Variants in ACVR2A observed in about 807,000 individuals in gnomAD.
ACVR2A encodes the protein activin A receptor type 2A, also known as activin receptor type-2A.
ACVR2A carries 7 observed loss-of-function variants against 61.4 expected under a neutral mutation model. The observed-to-expected ratio is 0.11, with a 90% CI of 0.06 to 0.21. The LOEUF is 0.21. Ranked by LOEUF, ACVR2A falls within the 10% of genes least tolerant of loss-of-function variation. The pLI, the probability that ACVR2A is intolerant of heterozygous loss-of-function variation, is 1.00. For synonymous variants in ACVR2A, 193 were observed against 208.3 expected, an observed-to-expected ratio of 0.93 and a Z score of 0.63; for missense variants, 322 against 621.7, an observed-to-expected ratio of 0.52 and a Z score of 5.13.
chr2:147,892,073 G>A (rs1686600824), intron 1 of ACVR2A, among the ~76,000 whole-genome samples: 1 of 151,994 alleles, frequency 6.6e-6, no homozygotes, highest in South Asian at 2.1e-4. Flanking sequence ...CTGGGTTCAA[G>A]GGATTCTCCT....
At chr2:147,901,120 A>T (rs1487923300) in intron 4 of ACVR2A, among the ~76,000 whole-genome samples, 1 of 152,078 alleles carries the variant, frequency 6.6e-6, no homozygotes, top group African/African-American at 2.4e-5. Flanking sequence ...ATTTCTAAAA[A>T]GTGTTTTAAA....
intron 1 of ACVR2A, among the ~76,000 whole-genome samples, chr2:147,883,215 A>C (rs1179174154): frequency 6.6e-6 from 1 of 152,078 alleles, no homozygotes; most frequent in African/African-American, 2.4e-5. Flanking sequence ...TTTGAGACGG[A>C]GTTTTGCTCT....
intron 1 of ACVR2A, among the ~76,000 whole-genome samples, chr2:147,850,690 G>A (rs1685422752): frequency 6.6e-6 from 1 of 152,018 alleles, no homozygotes; most frequent in African/African-American, 2.4e-5. Flanking sequence ...AAAATTCCAG[G>A]AATAGTGTAT....
At chr2:147,916,858 T>C (rs1687259645) in intron 5 of ACVR2A, among the ~76,000 whole-genome samples, 3 of 151,914 alleles carry the variant, frequency 2.0e-5, no homozygotes, top group Admixed American at 2.0e-4. Flanking sequence ...TTATGTTAGT[T>C]TTTGAAAAGA....
chr2:147,845,220 A>T lies in ACVR2A; in HGVS notation c.55+13A>T. ...TCCTGTTCTTCAGGTAGGTGCAGGG[A>T]GCGCGGCGCGGTGGGGCTGCTCCTG... is the stretch of plus-strand genomic sequence containing the variant. On this transcript the variant is annotated intron_variant, in intron 1 of 10. Coordinates refer to ENST00000241416, the MANE Select transcript of ACVR2A (RefSeq NM_001616.5). 1 of 1,610,244 alleles carries T rather than the reference A, an allele frequency of 6.2e-7. No homozygotes were observed. The highest frequency in any genetic ancestry group is 8.5e-7 in the Non-Finnish European group (1 of 1,179,054).
At chr2:147,850,200 C>A (rs1222005567) in intron 1 of ACVR2A, among the ~76,000 whole-genome samples, 3 of 152,062 alleles carry the variant, frequency 2.0e-5, no homozygotes, top group Admixed American at 1.3e-4. Context: ...TTCCCCTGAC[C>A]CTTCTGTACT....
In ACVR2A at chr2:147,927,469, A is replaced by C. The variant is rs1055407836; in HGVS notation, c.*195A>C. On this transcript the variant is annotated 3_prime_UTR_variant, in exon 11 of 11. Coordinates refer to ENST00000241416, the MANE Select transcript of ACVR2A (RefSeq NM_001616.5). ...TGCCGACAGCACAGATGTGAAGGAC[A>C]TGAGACTAAGAGAAACCTTGCAAAC... 1 of 519,662 alleles carries C rather than the reference A, an allele frequency of 1.9e-6. No individual in the cohort carries two copies. Among genetic ancestry groups the C allele is most frequent in the East Asian group, 3.4e-5 (1 of 29,548 alleles). 32.2% of individuals were successfully genotyped at this position (519,662 alleles called of 1,614,324 possible).
chr2:147,845,352 C>CCCG (rs1685282674), intron 1 of ACVR2A, 145 bp downstream of exon 1: 2 of 519,012 alleles, frequency 3.9e-6, no homozygotes, highest in Non-Finnish European at 6.4e-6. Flanking sequence ...GCCACCGCCC[C>CCCG]CCCCCCCCGC....
In ACVR2A at chr2:147,923,046, G is replaced by C. The variant is rs1258959405; in HGVS notation, c.1151G>C (p.Arg384Thr). Residue 384 changes from arginine (R) to threonine (T), a missense_variant, in exon 9 of 11, where the codon AGG becomes ACG. Physicochemically the swap from Arg to Thr is moderately conservative, Grantham distance 71. Coordinates refer to ENST00000241416, the MANE Select transcript of ACVR2A (RefSeq NM_001616.5). Reference sequence around the variant, plus strand: ...AACTTCCAAAGGGATGCATTTTTGAGGATAGATATGTATGCCATGGGATTA... The same window carrying C: ...AACTTCCAAAGGGATGCATTTTTGACGATAGATATGTATGCCATGGGATTA... ...AINFQRDAFL[R>T]IDMYAMGLVL... The C allele has an allele frequency of 6.2e-7, 1 of 1,613,340 alleles. No homozygotes were observed. Among genetic ancestry groups the C allele is most frequent in the Admixed American group, 1.7e-5 (1 of 59,948 alleles).
chr2:147,876,153 C>G (rs1225281363), intron 1 of ACVR2A, among the ~76,000 whole-genome samples: 1 of 152,124 alleles, frequency 6.6e-6, no homozygotes, highest in Non-Finnish European at 1.5e-5. Context: ...TTAAATGATA[C>G]TGGCATTGCC....
intron 1 of ACVR2A, among the ~76,000 whole-genome samples, chr2:147,854,415 T>G (rs1685520001): frequency 1.3e-5 from 2 of 152,222 alleles, no homozygotes; most frequent in African/African-American, 4.8e-5. Context: ...TGAAAGATTC[T>G]CAAGTCTGTT....
At chr2:147,882,300 C>T (rs948317448) in intron 1 of ACVR2A, among the ~76,000 whole-genome samples, 1 of 152,202 alleles carries the variant, frequency 6.6e-6, no homozygotes, top group African/African-American at 2.4e-5. Flanking sequence ...ACTGTAATCC[C>T]AGCACTTTGG....
intron 1 of ACVR2A, among the ~76,000 whole-genome samples, chr2:147,872,664 T>G (rs987593627): frequency 2.6e-5 from 4 of 151,560 alleles, no homozygotes; most frequent in African/African-American, 9.7e-5. Flanking sequence ...TTCTGAAAAT[T>G]ATGATGTTTT....
intron 1 of ACVR2A, among the ~76,000 whole-genome samples, chr2:147,854,408 A>G (rs1452986962): frequency 6.6e-6 from 1 of 152,222 alleles, no homozygotes; most frequent in Non-Finnish European, 1.5e-5. Flanking sequence ...AAAGTTTTGA[A>G]AGATTCTCAA....
At chr2:147,862,827 A>G (rs1685761152) in intron 1 of ACVR2A, among the ~76,000 whole-genome samples, 1 of 152,170 alleles carries the variant, frequency 6.6e-6, no homozygotes, top group Non-Finnish European at 1.5e-5. Flanking sequence ...TTATTTTCAC[A>G]TTACTACATT....
At chr2:147,865,148 C>T (rs180724078) in intron 1 of ACVR2A, among the ~76,000 whole-genome samples, 1 of 152,250 alleles carries the variant, frequency 6.6e-6, no homozygotes, top group Non-Finnish European at 1.5e-5. Flanking sequence ...ATAAAACCAC[C>T]ACGAGGATAG....
At chr2:147,889,925 A>G (rs1686541903) in intron 1 of ACVR2A, among the ~76,000 whole-genome samples, 1 of 151,610 alleles carries the variant, frequency 6.6e-6, no homozygotes, top group Admixed American at 6.6e-5. Context: ...ATACTAGATT[A>G]TGTGATTAGA....
chr2:147,851,948 A>G lies in ACVR2A; in HGVS notation c.55+6741A>G, dbSNP rs563433380. Among the ~76,000 whole-genome samples the G allele has an allele frequency of 6.6e-5, 10 of 152,082 alleles. No individual in the cohort carries two copies. The East Asian group carries it at 1.7e-3, about 26-fold the overall frequency. On this transcript the variant is annotated intron_variant, in intron 1 of 10. Coordinates refer to ENST00000241416, the MANE Select transcript of ACVR2A (RefSeq NM_001616.5). ...TGAAGTGGTGAACTTGGATTAGATG[A>G]TCCCTGATTTTTTTTCCTACTCTGA...
In ACVR2A at chr2:147,875,942, G is replaced by C. The variant is rs143238930; in HGVS notation, c.56-20359G>C. 1.7e-3 allele frequency among the ~76,000 whole-genome samples: 253 copies of C among 152,138 alleles called. 2 individuals carry two copies. Among genetic ancestry groups the C allele is most frequent in the African/African-American group, 5.8e-3 (241 of 41,518 alleles). On this transcript the variant is annotated intron_variant, in intron 1 of 10. Transcript: ENST00000241416. ...CCTTCCCTTTTAGGTTAGCTTCAGG[G>C]ATCTAGAAACATTACCATCCATTAC...
Sources: allele counts gnomAD v4.1 joint callset (sites outside exome capture counted in the v4.1 genomes callset), GRCh38; gene constraint gnomAD v4.1.1; transcripts MANE v1.5; gene names NCBI Gene and HGNC (gene_info 2026-07-23, HGNC 2026-07-21).